The following PLCG1 variants were observed in gnomAD, a reference collection of about 807,000 sequenced individuals.
The protein encoded by PLCG1 is phospholipase C gamma 1, also known as 1-phosphatidylinositol 4,5-bisphosphate phosphodiesterase gamma-1.
PLCG1 carries 71 observed loss-of-function variants against 177.8 expected under a neutral mutation model. The observed-to-expected ratio is 0.40, with a 90% CI of 0.33 to 0.49. The LOEUF (loss-of-function observed/expected upper bound fraction) is 0.49. PLCG1 is among the 20% of genes least tolerant of loss of function. The pLI, the probability that PLCG1 is intolerant of heterozygous loss-of-function variation, is 0.72. For synonymous variants in PLCG1, 658 were observed against 647.9 expected (o/e 1.02, Z -0.24); for missense variants, 1,281 against 1,709.0 (o/e 0.75, Z 4.42).
intron 4 of PLCG1, 56 bp from the exon 5 acceptor site, chr20:41,162,396 G>A: frequency 7.1e-7 from 1 of 1,408,900 alleles, no homozygotes; most frequent in Non-Finnish European, 1.0e-6. Flanking sequence ...TCGACCCACA[G>A]GTCAGAGGTC....
Position 41,165,478 on chromosome 20 carries a change from C to A in PLCG1, c.1538C>A (p.Thr513Asn). The change falls in exon 15 of 32, where the codon ACC becomes AAC. Residue 513 changes from threonine to asparagine, a missense_variant. This residue lies in a region of PLCG1 where 723 missense variants were observed against 1,030.0 expected (regional missense o/e 0.70). Transcript: ENST00000685551. This position sits in a 1 kb window ranked among gnomAD's most constrained non-coding sequence, Gnocchi z 6.6. ...HEWYPHYFVL[T>N]SSKIYYSEET... is the part of the protein sequence containing the mutation. The stretch of plus-strand genomic sequence containing the variant: ...TGGTATCCCCACTACTTTGTTCTGA[C>A]CAGCAGCAAGATCTACTACTCTGAG... 1 of 1,614,036 alleles carries A rather than the reference C, an allele frequency of 6.2e-7. No homozygotes were observed. The highest frequency in any genetic ancestry group is 8.5e-7 in the Non-Finnish European group (1 of 1,179,966).
Position 41,157,149 on chromosome 20 carries a change from T to G in PLCG1, c.218-2457T>G, listed in dbSNP as rs1036834637. Among the ~76,000 whole-genome samples the G allele has an allele frequency of 6.6e-6, 1 of 152,002 alleles. No homozygotes were observed. Among genetic ancestry groups the G allele is most frequent in the Admixed American group, 6.6e-5 (1 of 15,256 alleles). The stretch of plus-strand genomic sequence containing the variant: ...CCTGGTTCCTATCTCAGGCACCTGT[T>G]CTGCCTTCAACTGATCTCAATGGAA... On this transcript the variant is annotated intron_variant, in intron 1 of 31. Transcript: ENST00000685551. The surrounding 1 kb of genome is among the most constrained non-coding windows in gnomAD (Gnocchi z 5.4).
Position 41,174,203 on chromosome 20 carries a change from A to G in PLCG1, c.3725A>G (p.His1242Arg), listed in dbSNP as rs768009894. The G allele has an allele frequency of 6.2e-7, 1 of 1,614,124 alleles. No individual in the cohort carries two copies. The highest frequency in any genetic ancestry group is 8.5e-7 in the Non-Finnish European group (1 of 1,180,004). The change falls in exon 31 of 32, where the codon CAT (histidine) becomes CGT (arginine). Residue 1242 changes from histidine to arginine, a missense_variant. Around this residue, in one of 4 missense-constraint regions of PLCG1, gnomAD observed 153 missense variants for 153.2 expected, o/e 1.00. Transcript: ENST00000685551. The surrounding 1 kb of genome is among the most constrained non-coding windows in gnomAD (Gnocchi z 5.8). ...RGSDASGQLF[H>R]GRAREGSFES... ...TCAGATGCCTCAGGCCAGCTGTTTC[A>G]TGGCCGAGCCCGGGAAGGCTCCTTT...
Position 41,163,905 on chromosome 20 carries a change from C to G in PLCG1, c.1011-16C>G. On this transcript the variant is annotated splice_polypyrimidine_tract_variant and intron_variant, in intron 10 of 31. Transcript: ENST00000685551. The surrounding 1 kb of genome is among the most constrained non-coding windows in gnomAD (Gnocchi z 5.2). ...CCCATCTGACCATACCTACCTGCCT[C>G]TCCTTGCCTATCCAGGTACCTGACC... 1 of 1,613,524 alleles carries G rather than the reference C, an allele frequency of 6.2e-7. No individual in the cohort carries two copies. Among genetic ancestry groups the G allele is most frequent in the East Asian group, 2.2e-5 (1 of 44,870 alleles).
rs897774355 is a variant in PLCG1, at chr20:41,173,981, G to A, written c.3615G>A (p.Leu1205=). 1.9e-6 allele frequency: 3 copies of A among 1,614,030 alleles called. No homozygotes were observed. Among genetic ancestry groups the A allele is most frequent in the Non-Finnish European group, 2.5e-6 (3 of 1,180,018 alleles). ...GTGAGGACCTGGAGTTGGCCTCCCTGCTGATCAAGATTGACATTTTCCCTG... is the reference window on the plus strand; with the variant it reads ...GTGAGGACCTGGAGTTGGCCTCCCTACTGATCAAGATTGACATTTTCCCTG... ...NYSEDLELAS[L]LIKIDIFPAK... Residue 1205 remains leucine, a synonymous_variant, in exon 30 of 32, where the codon CTG becomes CTA. Coordinates refer to ENST00000685551, the MANE Select transcript of PLCG1 (RefSeq NM_002660.3). The surrounding 1 kb of genome is among the most constrained non-coding windows in gnomAD (Gnocchi z 6.2).
In PLCG1 at chr20:41,175,712, G is replaced by A. The variant is rs79174733; in HGVS notation, c.*1203G>A. ...TGACTGCCAAATAAATCATCCTCAT[G>A]TCCTTTTTCCTTTGACTTGTATGCT... On this transcript the variant is annotated 3_prime_UTR_variant, in exon 32 of 32. Transcript: ENST00000685551. The A allele has an allele frequency of 4.6e-5, 7 of 152,682 alleles. No homozygotes were observed. The highest frequency in any genetic ancestry group is 6.5e-5 in the Admixed American group (1 of 15,292). 9.5% of individuals were successfully genotyped at this position (152,682 alleles called of 1,614,324 possible).
In PLCG1 at chr20:41,167,670, A is replaced by C. The variant is rs1271093235; in HGVS notation, c.2302-182A>C. The C allele has an allele frequency of 1.0e-5, 6 of 594,944 alleles. No individual in the cohort carries two copies. The highest frequency in any genetic ancestry group is 1.5e-5 in the Non-Finnish European group (5 of 332,896). 36.9% of individuals were successfully genotyped at this position (594,944 alleles called of 1,614,324 possible). A position where few individuals can be genotyped will look rare whatever the true frequency, so the allele number is the denominator to read the frequency against. On this transcript the variant is annotated intron_variant, in intron 19 of 31. Transcript: ENST00000685551. This position sits in a 1 kb window ranked among gnomAD's most constrained non-coding sequence, Gnocchi z 4.4. Reference sequence around the variant, plus strand: ...TACATGTAAGAATGTGAAGAAAGGAAAGGGAACAGTGAGGCCGGGCCTGAG... The same window carrying C: ...TACATGTAAGAATGTGAAGAAAGGACAGGGAACAGTGAGGCCGGGCCTGAG...
intron 1 of PLCG1, among the ~76,000 whole-genome samples, chr20:41,155,030 C>A: frequency 6.6e-6 from 1 of 152,240 alleles, no homozygotes; most frequent in Non-Finnish European, 1.5e-5. Context: ...GGTCTCTAAT[C>A]TCTGTGGTCT....
At position 41,173,131 on chromosome 20, in the gene PLCG1, G is replaced by A. The variant is rs138253913; in HGVS notation, c.3279+254G>A. Among the ~76,000 whole-genome samples the A allele has an allele frequency of 2.3e-3, 357 of 152,176 alleles. 2 individuals are homozygous for A. Among genetic ancestry groups the A allele is most frequent in the African/African-American group, 8.2e-3 (341 of 41,514 alleles). The stretch of plus-strand genomic sequence containing the variant: ...GAGATCTTTTTTTTCCCTAAGGGGA[G>A]GTCATTTAAAAGATTTCTGTGTTAA... On this transcript the variant is annotated intron_variant, in intron 27 of 31. Coordinates refer to ENST00000685551, the MANE Select transcript of PLCG1 (RefSeq NM_002660.3). This position sits in a 1 kb window ranked among gnomAD's most constrained non-coding sequence, Gnocchi z 6.2.
At position 41,156,732 on chromosome 20, in the gene PLCG1, C is replaced by G. The variant is rs868494124; in HGVS notation, c.218-2874C>G. ...CCTAAGTAGTTCTCCCCTTCTCAAG[C>G]TCCTAAGTTCTGGGAAGGTCTCTTT... On this transcript the variant is annotated intron_variant, in intron 1 of 31. Transcript: ENST00000685551. This position sits in a 1 kb window ranked among gnomAD's most constrained non-coding sequence, Gnocchi z 5.0. Among the ~76,000 whole-genome samples the G allele has an allele frequency of 1.3e-5, 2 of 152,184 alleles. No individual in the cohort carries two copies. The highest frequency in any genetic ancestry group is 3.2e-3 in the Middle Eastern group (1 of 316).
Position 41,160,625 on chromosome 20 carries a change from CTT to C in PLCG1, c.512+473_512+474del, listed in dbSNP as rs1335294018. 2.0e-5 allele frequency among the ~76,000 whole-genome samples: 3 copies of C among 152,164 alleles called. No homozygotes were observed. The highest frequency in any genetic ancestry group is 4.4e-5 in the Non-Finnish European group (3 of 68,032). On this transcript the variant is annotated intron_variant, in intron 4 of 31. Transcript: ENST00000685551. This position sits in a 1 kb window ranked among gnomAD's most constrained non-coding sequence, Gnocchi z 5.5. ...TGAGGAGAGGAGTGATGTGACCTGA[CTT>C]GGGTTACTCAAGATCACTCTGCCTG...
chr20:41,143,336 G>C (rs533691221), intron 1 of PLCG1, among the ~76,000 whole-genome samples: 17 of 152,322 alleles, frequency 1.1e-4, no homozygotes, highest in African/African-American at 4.1e-4. Context: ...CAGATGATAA[G>C]TTGGAGGAAG....
chr20:41,166,209 C>G lies in PLCG1; in HGVS notation c.1815C>G (p.Val605=). Residue 605 remains valine, a synonymous_variant, in exon 17 of 32, where the codon GTC becomes GTG. Coordinates refer to ENST00000685551, the MANE Select transcript of PLCG1 (RefSeq NM_002660.3). This position sits in a 1 kb window ranked among gnomAD's most constrained non-coding sequence, Gnocchi z 8.6. The part of the protein sequence containing the change: ...YTLSFWRNGK[V]QHCRIHSRQD... ...TCTTCCACAGGCGGAACGGGAAAGT[C>G]CAGCACTGCCGTATCCACTCCCGGC... The G allele has an allele frequency of 6.2e-7, 1 of 1,613,566 alleles. No homozygotes were observed. Among genetic ancestry groups the G allele is most frequent in the Non-Finnish European group, 8.5e-7 (1 of 1,179,984 alleles).
rs2034868128 is a variant in PLCG1, at chr20:41,142,736, G to A, written c.217+4878G>A. 3.9e-5 allele frequency among the ~76,000 whole-genome samples: 6 copies of A among 152,220 alleles called. 1 individual carries two copies. In the South Asian group the frequency reaches 1.2e-3, roughly 32 times the overall value. ...GGGCTGCTTATCTGTAAAAAGGATA[G>A]TATTAAATGGCATTTATTTTATAAG... On this transcript the variant is annotated intron_variant, in intron 1 of 31. Coordinates refer to ENST00000685551, the MANE Select transcript of PLCG1 (RefSeq NM_002660.3).
chr20:41,172,489 G>T lies in PLCG1; in HGVS notation c.2974G>T (p.Val992Leu), dbSNP rs1366483266. Reference protein sequence around the residue: ...SFPETKAEKYVNKAKGKKFLQ... With the variant: ...SFPETKAEKYLNKAKGKKFLQ... ...CCCGGAAACCAAGGCTGAGAAATAC[G>T]TGAACAAGGCCAAAGGCAAGAAGTT... Residue 992 changes from valine (V) to leucine (L), a missense_variant, in exon 26 of 32, where the codon GTG becomes TTG. By Grantham distance (32) the Val-to-Leu change is conservative (BLOSUM62 1). Around this residue, in one of 4 missense-constraint regions of PLCG1, gnomAD observed 723 missense variants for 1,030.0 expected, o/e 0.70. Transcript: ENST00000685551. This position sits in a 1 kb window ranked among gnomAD's most constrained non-coding sequence, Gnocchi z 7.0. 1.9e-6 allele frequency: 3 copies of T among 1,614,076 alleles called. No individual in the cohort carries two copies. Among genetic ancestry groups the T allele is most frequent in the Non-Finnish European group, 2.5e-6 (3 of 1,180,034 alleles).
In PLCG1 at chr20:41,167,778, C is replaced by T; in HGVS notation, c.2302-74C>T. 1.8e-6 allele frequency: 2 copies of T among 1,084,184 alleles called. No homozygotes were observed. Among genetic ancestry groups the T allele is most frequent in the Non-Finnish European group, 2.8e-6 (2 of 705,776 alleles). 67.2% of individuals were successfully genotyped at this position (1,084,184 alleles called of 1,614,324 possible). ...GCTGCACTGGGGGAAAGGGAAGCTGCTCCAGAAACCAGTAGCTGCTTTCTA... is the reference window on the plus strand; with the variant it reads ...GCTGCACTGGGGGAAAGGGAAGCTGTTCCAGAAACCAGTAGCTGCTTTCTA... On this transcript the variant is annotated intron_variant, in intron 19 of 31. Transcript: ENST00000685551. This position sits in a 1 kb window ranked among gnomAD's most constrained non-coding sequence, Gnocchi z 4.4.
chr20:41,138,122 C>G (rs1420054250), intron 1 of PLCG1: 1 of 314,628 alleles, frequency 3.2e-6, no homozygotes, highest in East Asian at 4.9e-5. Flanking sequence ...GCCTAAAAAT[C>G]CTCGCGGGCT....
In PLCG1 at chr20:41,164,324, C is replaced by A; in HGVS notation, c.1217+123C>A. The A allele has an allele frequency of 9.9e-7, 1 of 1,013,008 alleles. No homozygotes were observed. Among genetic ancestry groups the A allele is most frequent in the Non-Finnish European group, 1.5e-6 (1 of 677,134 alleles). 62.8% of individuals were successfully genotyped at this position (1,013,008 alleles called of 1,614,324 possible). On this transcript the variant is annotated intron_variant, in intron 12 of 31. Coordinates refer to ENST00000685551, the MANE Select transcript of PLCG1 (RefSeq NM_002660.3). The surrounding 1 kb of genome is among the most constrained non-coding windows in gnomAD (Gnocchi z 6.4). ...CTCTCCCTCAGCCTTTCATCTTTGT[C>A]CTTCCTCTTGGCCTCTCCTCGTCAC...
At chr20:41,169,265 C>A in intron 22 of PLCG1, 90 bp downstream of exon 22, 1 of 1,026,582 alleles carries the variant, frequency 9.7e-7, no homozygotes, top group Non-Finnish European at 1.5e-6. Context: ...CACGCACGTG[C>A]ATGCACAGAC....
Sources: gnomAD v4.1 joint callset for allele counts (sites outside exome capture counted in the v4.1 genomes callset) on GRCh38, gnomAD v4.1.1 for gene constraint, gnomAD v4.1.1 regional missense constraint, Gnocchi (gnomAD v3.1) non-coding constraint, MANE v1.5 for transcripts, NCBI Gene and HGNC (gene_info 2026-07-23, HGNC 2026-07-21) for gene names.